SYNPO2: variants seen among roughly 807,000 people sequenced by gnomAD.
The protein encoded by SYNPO2 is synaptopodin 2.
In SYNPO2, 56 loss-of-function variants were observed where a neutral mutation model predicts 85.0. The ratio of observed to expected loss-of-function variants is 0.66; its 90% CI spans 0.53 to 0.82. SYNPO2 has a LOEUF of 0.82. SYNPO2 is among the 40% of genes least tolerant of loss of function. The pLI is 0.00. For synonymous variants in SYNPO2, 602 were observed against 591.1 expected, an observed-to-expected ratio of 1.02 and a Z score of -0.27; for missense variants, 1,575 against 1,534.2, an observed-to-expected ratio of 1.03 and a Z score of -0.44.
chr4:118,868,172 G>A (rs931362186), intron 1 of SYNPO2, among the ~76,000 whole-genome samples: 12 of 150,218 alleles, frequency 8.0e-5, no homozygotes, highest in African/African-American at 1.5e-4. Flanking sequence ...AGATGCTCTT[G>A]TAAAACATTT....
intron 1 of SYNPO2, among the ~76,000 whole-genome samples, chr4:118,870,900 T>A (rs981606539): frequency 2.0e-5 from 3 of 152,156 alleles, no homozygotes; most frequent in Non-Finnish European, 2.9e-5. Context: ...TAAAATAAAA[T>A]TTTTTTAAAA....
At chr4:118,871,815 C>T (rs1194544805) in intron 1 of SYNPO2, among the ~76,000 whole-genome samples, 1 of 152,118 alleles carries the variant, frequency 6.6e-6, no homozygotes, top group Non-Finnish European at 1.5e-5. Context: ...GTAATCCGCC[C>T]GCCTTGGCCT....
intron 4 of SYNPO2, among the ~76,000 whole-genome samples, chr4:119,055,437 G>A (rs988149012): frequency 1.3e-5 from 2 of 152,238 alleles, no homozygotes; most frequent in African/African-American, 4.8e-5. Context: ...TTACAGGCGT[G>A]AGCCACTGCA....
rs114086839 is a variant in SYNPO2 at position 119,024,118 on chromosome 4, C to T, written c.257+537C>T. 3.1e-3 allele frequency among the ~76,000 whole-genome samples: 473 copies of T among 152,242 alleles called. 1 individual carries two copies. The highest frequency in any genetic ancestry group is 0.011 in the African/African-American group (444 of 41,552). The stretch of plus-strand genomic sequence containing the variant: ...AGATGATTAGAATAAGGTTTTTGCA[C>T]GACCAACACAGGTCATTTGGGAATT... On this transcript the variant is annotated intron_variant, in intron 2 of 4. Transcript: ENST00000307142.
chr4:118,876,349 T>A (rs1731907022), intron 1 of SYNPO2, among the ~76,000 whole-genome samples: 1 of 152,234 alleles, frequency 6.6e-6, no homozygotes, highest in Non-Finnish European at 1.5e-5. Context: ...GTGTCTCAGC[T>A]CAGGGAGGGG....
intron 1 of SYNPO2, among the ~76,000 whole-genome samples, chr4:118,964,331 C>A: frequency 9.7e-6 from 1 of 102,966 alleles, no homozygotes; most frequent in East Asian, 2.7e-4. Flanking sequence ...CACACACACA[C>A]ACACACACAC....
upstream of SYNPO2, among the ~76,000 whole-genome samples, chr4:118,884,909 C>T (rs754254567): frequency 7.2e-5 from 11 of 152,122 alleles, no homozygotes; most frequent in South Asian, 6.2e-4. Flanking sequence ...GACCTTTAGA[C>T]TGAGAGGGAA....
At chr4:118,863,668 G>GT (rs1731652499) in intron 1 of SYNPO2, among the ~76,000 whole-genome samples, 1 of 151,896 alleles carries the variant, frequency 6.6e-6, no homozygotes, top group African/African-American at 2.4e-5. Context: ...CTGGAGTGCA[G>GT]TGGCGTGATC....
chr4:118,891,375 C>T (rs1232010016), intron 1 of SYNPO2, among the ~76,000 whole-genome samples: 1 of 152,148 alleles, frequency 6.6e-6, no homozygotes, highest in Non-Finnish European at 1.5e-5. Context: ...CTGTAGTCTA[C>T]AGTCTACCTT....
intron 1 of SYNPO2, among the ~76,000 whole-genome samples, chr4:118,949,097 C>T (rs975223956): frequency 6.6e-6 from 1 of 152,124 alleles, no homozygotes; most frequent in Non-Finnish European, 1.5e-5. Context: ...CCTAAGGATG[C>T]TTTGTCAATG....
At chr4:119,026,100 A>G (rs922628434) in intron 2 of SYNPO2, among the ~76,000 whole-genome samples, 1 of 152,192 alleles carries the variant, frequency 6.6e-6, no homozygotes, top group African/African-American at 2.4e-5. Context: ...TTATTACGAA[A>G]CACATGCTCA....
At chr4:119,022,998 G>C (rs112296460) in intron 1 of SYNPO2, among the ~76,000 whole-genome samples, 2,672 of 151,420 alleles carry the variant, frequency 0.018, 69 homozygotes, top group African/African-American at 0.061. Context: ...GGCTGGTCTC[G>C]AACTCCTGAC....
At chr4:118,905,114 ATGTTGACTAGGTTAC>A (rs1732889987) in intron 1 of SYNPO2, among the ~76,000 whole-genome samples, 1 of 152,222 alleles carries the variant, frequency 6.6e-6, no homozygotes, top group Non-Finnish European at 1.5e-5. Context: ...AGATAGCTCC[ATGTTGACTAGGTTAC>A]TGTGGGTCCC....
chr4:119,005,082 T>A (rs1349968729), intron 1 of SYNPO2, among the ~76,000 whole-genome samples: 1 of 152,212 alleles, frequency 6.6e-6, no homozygotes, highest in Non-Finnish European at 1.5e-5. Context: ...TTGTTTGTTT[T>A]TTTCTTGTAA....
At chr4:118,995,891 TATCTATCTATCTATC>T in intron 1 of SYNPO2, among the ~76,000 whole-genome samples, 1 of 151,402 alleles carries the variant, frequency 6.6e-6, no homozygotes, top group African/African-American at 2.5e-5. Flanking sequence ...TCTATCTATC[TATCTATCTATCTATC>T]ATCTATCTAA....
intron 4 of SYNPO2, chr4:119,036,654 G>A: frequency 2.0e-6 from 2 of 985,470 alleles, no homozygotes; most frequent in Non-Finnish European, 2.4e-6. Flanking sequence ...TGAGCGTCAT[G>A]CCAATGAAAC....
At chr4:118,983,106 G>A (rs1289900888) in intron 1 of SYNPO2, among the ~76,000 whole-genome samples, 1 of 151,962 alleles carries the variant, frequency 6.6e-6, no homozygotes, top group Non-Finnish European at 1.5e-5. Context: ...AGGTAATCTT[G>A]GCTACTTTGC....
chr4:118,939,214 A>G (rs1560888022), intron 1 of SYNPO2, among the ~76,000 whole-genome samples: 1 of 152,252 alleles, frequency 6.6e-6, no homozygotes, highest in Admixed American at 6.5e-5. Context: ...AGACAAAAAT[A>G]CACTTTGGTC....
chr4:118,947,475 A>T (rs1242081095), intron 1 of SYNPO2, among the ~76,000 whole-genome samples: 3 of 152,206 alleles, frequency 2.0e-5, no homozygotes, highest in Admixed American at 6.5e-5. Flanking sequence ...GAGGAGGAGA[A>T]TGACCTTCAG....
Sources: gnomAD v4.1 joint callset for allele counts (sites outside exome capture counted in the v4.1 genomes callset) on GRCh38, gnomAD v4.1.1 for gene constraint, MANE v1.5 for transcripts, NCBI Gene and HGNC (gene_info 2026-07-23, HGNC 2026-07-21) for gene names.